Variants in MBNL2 observed in about 807,000 individuals in gnomAD.
MBNL2 encodes the protein muscleblind like splicing regulator 2, also known as muscleblind-like protein 2.
A neutral mutation model predicts 41.9 loss-of-function variants in MBNL2; 17 were observed. The observed-to-expected ratio is 0.41, with a 90% CI of 0.28 to 0.61. The LOEUF is 0.61. MBNL2 is among the 20% of genes least tolerant of loss of function. MBNL2 has a pLI of 0.35. For missense variants in MBNL2, 336 were observed against 505.6 expected, an observed-to-expected ratio of 0.66 and a Z score of 3.22; for synonymous variants, 195 against 182.9, an observed-to-expected ratio of 1.07 and a Z score of -0.53.
the MBNL2 span, among the ~76,000 whole-genome samples, chr13:97,206,486 A>G: frequency 6.6e-6 from 1 of 152,188 alleles, no homozygotes; most frequent in African/African-American, 2.4e-5. Flanking sequence ...AGTGTGAGAA[A>G]TAAGCTATGA....
At chr13:97,329,764 C>A (rs1402392844) in intron 2 of MBNL2, among the ~76,000 whole-genome samples, 1 of 130 alleles carries the variant, frequency 7.7e-3, no homozygotes, top group African/African-American at 0.071. Context: ...ACACACACAG[C>A]ACACACACAA....
At chr13:97,158,488 A>C in the MBNL2 span, among the ~76,000 whole-genome samples, 2 of 152,046 alleles carry the variant, frequency 1.3e-5, no homozygotes, top group South Asian at 2.1e-4. Context: ...TTGTGATGTT[A>C]GGGTGTCAAT....
intron 1 of MBNL2, among the ~76,000 whole-genome samples, chr13:97,244,478 A>T (rs1047607989): frequency 6.6e-6 from 1 of 152,270 alleles, no homozygotes; most frequent in African/African-American, 2.4e-5. Context: ...AAGTCAACTT[A>T]TAGTCAGTAT....
intron 1 of MBNL2, among the ~76,000 whole-genome samples, chr13:97,270,179 C>T (rs927028205): frequency 6.6e-6 from 1 of 152,090 alleles, no homozygotes; most frequent in African/African-American, 2.4e-5. Flanking sequence ...AATGCAAAAG[C>T]CCTTGAGACA....
At chr13:97,258,533 T>C (rs2047996519) in intron 1 of MBNL2, among the ~76,000 whole-genome samples, 1 of 152,228 alleles carries the variant, frequency 6.6e-6, no homozygotes, top group African/African-American at 2.4e-5. Context: ...TGAAGTCAAA[T>C]AGTGGAAATT....
chr13:97,329,688 CACAATACACACACATGCAGCA>C (rs2060232869), intron 2 of MBNL2, among the ~76,000 whole-genome samples: 2 of 96 alleles, frequency 0.021, no homozygotes, highest in Non-Finnish European at 0.034. Context: ...ACACAACACA[CACAATACACACACATGCAGCA>C]CACATACAAC....
the MBNL2 span, among the ~76,000 whole-genome samples, chr13:97,197,453 A>G: frequency 5.9e-5 from 9 of 152,136 alleles, no homozygotes; most frequent in Admixed American, 2.6e-4. Context: ...ATGTTTATTC[A>G]TTTTCCTGGA....
At chr13:97,285,819 C>T (rs1316506276) in intron 2 of MBNL2, among the ~76,000 whole-genome samples, 1 of 152,152 alleles carries the variant, frequency 6.6e-6, no homozygotes, top group Non-Finnish European at 1.5e-5. Context: ...TTTGGTGATT[C>T]ACTCTCATCT....
intron 1 of MBNL2, among the ~76,000 whole-genome samples, chr13:97,243,262 C>G (rs1184645877): frequency 6.6e-6 from 1 of 152,194 alleles, no homozygotes; most frequent in African/African-American, 2.4e-5. Context: ...CTTAGATTGC[C>G]TTATGGACTG....
At chr13:97,289,602 G>A (rs139657264) in intron 2 of MBNL2, among the ~76,000 whole-genome samples, 17 of 152,200 alleles carry the variant, frequency 1.1e-4, no homozygotes, top group African/African-American at 3.6e-4. Flanking sequence ...CACTTTCTAG[G>A]GAACTTTAAA....
intron 1 of MBNL2, among the ~76,000 whole-genome samples, 167 bp from the exon 2 acceptor site, chr13:97,275,465 C>T (rs1477419030): frequency 2.6e-5 from 4 of 152,172 alleles, no homozygotes; most frequent in Admixed American, 6.5e-5. Flanking sequence ...ATACGGTTTC[C>T]GTTGCATATT....
the MBNL2 span, among the ~76,000 whole-genome samples, chr13:97,143,105 A>G: frequency 0.01 from 1,529 of 152,320 alleles, 20 homozygotes; most frequent in African/African-American, 0.019. Context: ...GCTCCCTGCT[A>G]TATTTTCTTT....
At chr13:97,261,114 C>A (rs1311281246) in intron 1 of MBNL2, among the ~76,000 whole-genome samples, 2 of 152,024 alleles carry the variant, frequency 1.3e-5, no homozygotes, top group Admixed American at 6.6e-5. Flanking sequence ...ATTCTTACTG[C>A]ACCTTCTCTG....
intron 2 of MBNL2, among the ~76,000 whole-genome samples, chr13:97,307,846 G>A (rs1594188728): frequency 6.6e-6 from 1 of 152,124 alleles, no homozygotes; most frequent in Non-Finnish European, 1.5e-5. Context: ...GTGACTCCTC[G>A]AGGGCACGGA....
intron 2 of MBNL2, among the ~76,000 whole-genome samples, chr13:97,322,091 T>A (rs778116439): frequency 1.3e-5 from 2 of 152,210 alleles, no homozygotes; most frequent in Non-Finnish European, 1.5e-5. Context: ...CTTCCCAGTT[T>A]CTGGCATAGA....
chr13:97,275,200 G>A (rs1359511190), intron 1 of MBNL2, among the ~76,000 whole-genome samples: 1 of 152,118 alleles, frequency 6.6e-6, no homozygotes, highest in Non-Finnish European at 1.5e-5. Flanking sequence ...AGAAGAAAGA[G>A]CCCACACTTC....
the MBNL2 span, among the ~76,000 whole-genome samples, chr13:97,203,314 C>A: frequency 6.6e-6 from 1 of 152,066 alleles, no homozygotes; most frequent in South Asian, 2.1e-4. Context: ...AATTCACATA[C>A]AAATTGGCAA....
intron 8 of MBNL2, among the ~76,000 whole-genome samples, chr13:97,381,231 G>T (rs1222933159): frequency 6.6e-6 from 1 of 152,134 alleles, no homozygotes; most frequent in Non-Finnish European, 1.5e-5. Context: ...TTTGAGAAAT[G>T]TGTAAGATGA....
chr13:97,191,096 TA>T, the MBNL2 span, among the ~76,000 whole-genome samples: 1 of 151,994 alleles, frequency 6.6e-6, no homozygotes, highest in Non-Finnish European at 1.5e-5. Flanking sequence ...GGTCTGATTT[TA>T]AAAAAAGAGT....
Sources: gnomAD v4.1 joint callset for allele counts (sites outside exome capture counted in the v4.1 genomes callset) on GRCh38, gnomAD v4.1.1 for gene constraint, MANE v1.5 for transcripts, NCBI Gene and HGNC (gene_info 2026-07-23, HGNC 2026-07-21) for gene names.